COL8A2: variants seen among roughly 807,000 people sequenced by gnomAD.
COL8A2 encodes collagen alpha-2(VIII) chain.
COL8A2 carries 16 observed loss-of-function variants against 24.0 expected under a neutral mutation model. That is an observed-to-expected ratio of 0.67 (90% CI 0.45 to 1.01). COL8A2 has a LOEUF of 1.01. Among genes scored for constraint, COL8A2 ranks in the 50% least tolerant of loss-of-function variants. The pLI is 0.00. For synonymous variants in COL8A2, 466 were observed against 424.5 expected (o/e 1.10, Z -1.20); for missense variants, 818 against 942.4 (o/e 0.87, Z 1.73).
chr1:36,119,484 C>A (rs1196728171), intron 1 of COL8A2, among the ~76,000 whole-genome samples: 3 of 152,214 alleles, frequency 2.0e-5, no homozygotes, highest in Admixed American at 2.0e-4. Context: ...CCCGCACCCC[C>A]TCAGTCCCTC....
At chr1:36,102,541 G>A (rs1643692134) in intron 2 of COL8A2, among the ~76,000 whole-genome samples, 1 of 151,532 alleles carries the variant, frequency 6.6e-6, no homozygotes, top group South Asian at 2.1e-4. Flanking sequence ...TAGGGAAGAT[G>A]AAAATGTTCA....
intron 1 of COL8A2, among the ~76,000 whole-genome samples, chr1:36,119,869 T>G (rs375214366): frequency 6.6e-6 from 1 of 152,280 alleles, no homozygotes; most frequent in East Asian, 1.9e-4. Flanking sequence ...AGAGGCAGGC[T>G]GGCACTGCTG....
intron 2 of COL8A2, among the ~76,000 whole-genome samples, chr1:36,106,725 G>T (rs1163429253): frequency 6.6e-6 from 1 of 152,044 alleles, no homozygotes; most frequent in Non-Finnish European, 1.5e-5. Flanking sequence ...CCAAGGAACA[G>T]CCCCAAGTGC....
At chr1:36,124,185 C>T (rs1202913946) in intron 1 of COL8A2, among the ~76,000 whole-genome samples, 1 of 152,070 alleles carries the variant, frequency 6.6e-6, no homozygotes, top group African/African-American at 2.4e-5. Flanking sequence ...CTCCGGCACC[C>T]CTAAGGAGGT....
chr1:36,099,495 A>G lies in COL8A2; in HGVS notation c.194-8T>C. Reference sequence around the variant, plus strand: ...GCAGCGGTAGAGGCATTTCTGAGAAAGAAAGAGAAAGGGGCAGTCAGGGGC... The same window carrying G: ...GCAGCGGTAGAGGCATTTCTGAGAAGGAAAGAGAAAGGGGCAGTCAGGGGC... On this transcript the variant is annotated splice_polypyrimidine_tract_variant and splice_region_variant and intron_variant, in intron 3 of 3. Coordinates refer to ENST00000397799, the MANE Select transcript of COL8A2 (RefSeq NM_005202.4). 1 of 1,529,454 alleles carries G rather than the reference A, an allele frequency of 6.5e-7. No homozygotes were observed. The highest frequency in any genetic ancestry group is 8.8e-7 in the Non-Finnish European group (1 of 1,140,246). The allele number at this position is 1,529,454 out of a possible 1,614,324, so 94.7% of individuals were successfully genotyped here.
chr1:36,111,382 T>C (rs1353071554), intron 2 of COL8A2, among the ~76,000 whole-genome samples: 1 of 152,146 alleles, frequency 6.6e-6, no homozygotes, highest in African/African-American at 2.4e-5. Context: ...CTCTGCCCAC[T>C]TCCTCTGCCC....
intron 2 of COL8A2, among the ~76,000 whole-genome samples, chr1:36,114,354 G>A (rs1046106683): frequency 3.3e-5 from 5 of 151,792 alleles, no homozygotes; most frequent in Non-Finnish European, 7.4e-5. Context: ...TCGTTGGCGG[G>A]GTTGCTGCAG....
chr1:36,099,453 C>A lies in COL8A2; in HGVS notation c.228G>T (p.Lys76Asn). The A allele has an allele frequency of 6.5e-7, 1 of 1,544,134 alleles. No individual in the cohort carries two copies. Among genetic ancestry groups the A allele is most frequent in the Non-Finnish European group, 8.7e-7 (1 of 1,150,366 alleles). ...GCTTCCCAGGGGGGCCGGGCTCTCC[C>A]TTCAGGTCCATCGGCAGCAGCGGTA... ...MPLPLLPMDLKGEPGPPGKPG... is the reference protein window; with the variant it reads ...MPLPLLPMDLNGEPGPPGKPG... Residue 76 changes from lysine (K) to asparagine (N), a missense_variant, in exon 4 of 4, where the codon AAG becomes AAT. Physicochemically the swap from Lys to Asn is moderately conservative, Grantham distance 94. This residue lies in a region of COL8A2 where 573 missense variants were observed against 616.8 expected (regional missense o/e 0.93). Transcript: ENST00000397799.
chr1:36,122,745 C>CAA (rs1158031064), intron 1 of COL8A2, among the ~76,000 whole-genome samples: 24 of 152,224 alleles, frequency 1.6e-4, no homozygotes, highest in African/African-American at 5.5e-4. Context: ...CTCGAAGATC[C>CAA]CCCCTTCATC....
In COL8A2 at chr1:36,100,398, A is replaced by G. The variant is rs4652900; in HGVS notation, c.-16-140T>C. On this transcript the variant is annotated intron_variant, in intron 2 of 3. Transcript: ENST00000397799. ...CTGAGAAGCAATTCCGAATTTAGATATTATTCACAAGCAATTTTCAAAGTC... is the reference window on the plus strand; with the variant it reads ...CTGAGAAGCAATTCCGAATTTAGATGTTATTCACAAGCAATTTTCAAAGTC... 568,576 of 798,448 alleles carry G rather than the reference A, an allele frequency of 0.71. 213,539 individuals are homozygous for G. Among genetic ancestry groups the G allele is most frequent in the Non-Finnish European group, 0.8 (396,555 of 492,808 alleles). The allele number at this position is 798,448 out of a possible 1,614,324, so 49.5% of individuals were successfully genotyped here. A position where few individuals can be genotyped will look rare whatever the true frequency, so the allele number is the denominator to read the frequency against.
intron 1 of COL8A2, among the ~76,000 whole-genome samples, chr1:36,118,695 C>T (rs1643890991): frequency 7.0e-6 from 1 of 143,288 alleles, no homozygotes; most frequent in South Asian, 2.5e-4. Context: ...CCACCCCCAA[C>T]CAGCTTCTGA....
chr1:36,122,321 C>T (rs1037788485), intron 1 of COL8A2, among the ~76,000 whole-genome samples: 1 of 152,198 alleles, frequency 6.6e-6, no homozygotes, highest in Non-Finnish European at 1.5e-5. Context: ...CCACACAGCA[C>T]ATGCTGCCTT....
At position 36,113,130 on chromosome 1, in the gene COL8A2, C is replaced by T. The variant is rs532549628; in HGVS notation, c.-17+2578G>A. Among the ~76,000 whole-genome samples, 255 of 152,268 alleles carry T rather than the reference C, an allele frequency of 1.7e-3. 1 individual carries two copies. The highest frequency in any genetic ancestry group is 6.0e-3 in the African/African-American group (248 of 41,538). On this transcript the variant is annotated intron_variant, in intron 2 of 3. Transcript: ENST00000397799. The stretch of plus-strand genomic sequence containing the variant: ...GCACACACTCTAGGTCTAAGAGTCA[C>T]GGGGGTAAGGAGAGGGCCAGGGACC...
intron 3 of COL8A2, 25 bp downstream of exon 3, chr1:36,100,023 GGC>G: frequency 2.5e-6 from 4 of 1,601,908 alleles, no homozygotes; most frequent in Non-Finnish European, 3.4e-6. Context: ...AGCGATTTGA[GGC>G]ACTGTGGGGT....
In COL8A2 at chr1:36,098,416, G is replaced by T; in HGVS notation, c.1265C>A (p.Pro422Gln). The stretch of plus-strand genomic sequence containing the variant: ...ACCCGGCTCACCCTTGGGCCCAGTT[G>T]GTCCAGGGGGTCCATGGGCCCCAGG... Reference protein sequence around the residue: ...GLPGAHGPPGPTGPKGEPGFT... With the variant: ...GLPGAHGPPGQTGPKGEPGFT... Residue 422 changes from proline (P) to glutamine (Q), a missense_variant, in exon 4 of 4, where the codon CCA becomes CAA. Physicochemically the swap from Pro to Gln is moderately conservative, Grantham distance 76 (BLOSUM62 -1). Around this residue, in one of 3 missense-constraint regions of COL8A2, gnomAD observed 573 missense variants for 616.8 expected, o/e 0.93. Coordinates refer to ENST00000397799, the MANE Select transcript of COL8A2 (RefSeq NM_005202.4). 1 of 1,580,734 alleles carries T rather than the reference G, an allele frequency of 6.3e-7. No homozygotes were observed. Among genetic ancestry groups the T allele is most frequent in the South Asian group, 1.2e-5 (1 of 86,636 alleles).
In COL8A2 at chr1:36,096,991, G is replaced by A. The variant is rs60281356; in HGVS notation, c.*578C>T. ...GGGCAACAGGCACTGTGCCCACCAC[G>A]GACATGTCTGATGCCACAGCATCAC... On this transcript the variant is annotated 3_prime_UTR_variant, in exon 4 of 4. Coordinates refer to ENST00000397799, the MANE Select transcript of COL8A2 (RefSeq NM_005202.4). 8 of 155,966 alleles carry A rather than the reference G, an allele frequency of 5.1e-5. No homozygotes were observed. The East Asian group carries it at 1.3e-3, about 26-fold the overall frequency. The allele number at this position is 155,966 out of a possible 1,614,324, so 9.7% of individuals were successfully genotyped here.
In COL8A2 at chr1:36,124,628, G is replaced by A. The variant is rs1428956853; in HGVS notation, c.-62+429C>T. Among the ~76,000 whole-genome samples, 3 of 152,114 alleles carry A rather than the reference G, an allele frequency of 2.0e-5. No individual in the cohort carries two copies. The East Asian group carries it at 5.8e-4, about 29-fold the overall frequency. The stretch of plus-strand genomic sequence containing the variant: ...CAAATCAGCAATGGCAGAGAGATGG[G>A]GGCAGGAGTGAGAGCGGGGGGATGC... On this transcript the variant is annotated intron_variant, in intron 1 of 3. Coordinates refer to ENST00000397799, the MANE Select transcript of COL8A2 (RefSeq NM_005202.4).
Position 36,097,481 on chromosome 1 carries a change from T to C in COL8A2, c.*88A>G. ...ACGGCCGCCTCTGTTCAGCTTTTGT[T>C]TTTTTTTCCAGGAGGTTCTTTGTAA... is the stretch of plus-strand genomic sequence containing the variant. On this transcript the variant is annotated 3_prime_UTR_variant, in exon 4 of 4. Coordinates refer to ENST00000397799, the MANE Select transcript of COL8A2 (RefSeq NM_005202.4). 8.6e-7 allele frequency: 1 copy of C among 1,162,204 alleles called. No homozygotes were observed. Among genetic ancestry groups the C allele is most frequent in the Non-Finnish European group, 1.2e-6 (1 of 811,992 alleles). The allele number at this position is 1,162,204 out of a possible 1,614,324, so 72.0% of individuals were successfully genotyped here.
intron 2 of COL8A2, among the ~76,000 whole-genome samples, chr1:36,105,652 G>T (rs1253621482): frequency 6.6e-6 from 1 of 152,154 alleles, no homozygotes; most frequent in East Asian, 1.9e-4. Context: ...CCCTGTTTTA[G>T]AGATGAGGAA....
Sources: gnomAD v4.1 joint callset for allele counts (sites outside exome capture counted in the v4.1 genomes callset) on GRCh38, gnomAD v4.1.1 for gene constraint, gnomAD v4.1.1 regional missense constraint, MANE v1.5 for transcripts, NCBI Gene and HGNC (gene_info 2026-07-23, HGNC 2026-07-21) for gene names.